Variants in MTMR2 observed in about 807,000 individuals in gnomAD.
MTMR2 encodes phosphatidylinositol-3,5-bisphosphate 3-phosphatase MTMR2.
Under a neutral mutation model 86.9 loss-of-function variants are expected in MTMR2, and 55 were observed. The ratio of observed to expected loss-of-function variants is 0.63; its 90% CI spans 0.51 to 0.79. MTMR2 has a LOEUF of 0.79. Among genes scored for constraint, MTMR2 ranks in the 30% least tolerant of loss-of-function variants. MTMR2 has a pLI of 0.00. For missense variants in MTMR2, 659 were observed against 772.3 expected (o/e 0.85, Z 1.74); for synonymous variants, 241 against 266.8 (o/e 0.90, Z 0.94).
At chr11:95,907,258 A>T (rs1013216181) in intron 1 of MTMR2, among the ~76,000 whole-genome samples, 1 of 152,182 alleles carries the variant, frequency 6.6e-6, no homozygotes, top group Non-Finnish European at 1.5e-5. Flanking sequence ...CAAACTAGAA[A>T]ACCTACAAGA....
At chr11:95,893,544 C>T (rs747546116) in intron 1 of MTMR2, among the ~76,000 whole-genome samples, 5 of 152,262 alleles carry the variant, frequency 3.3e-5, no homozygotes, top group African/African-American at 4.8e-5. Context: ...TTAGCCACGA[C>T]TGTCCTGCTA....
At chr11:95,896,475 C>T (rs1591033196) in intron 1 of MTMR2, among the ~76,000 whole-genome samples, 1 of 151,858 alleles carries the variant, frequency 6.6e-6, no homozygotes, top group East Asian at 1.9e-4. Context: ...GACACCATGC[C>T]TGTCTTGATT....
intron 2 of MTMR2, among the ~76,000 whole-genome samples, chr11:95,882,972 T>A (rs1223517335): frequency 1.4e-5 from 2 of 144,530 alleles, no homozygotes; most frequent in Non-Finnish European, 1.5e-5. Flanking sequence ...GGTCTCGATC[T>A]CCTGACCTCG....
intron 1 of MTMR2, among the ~76,000 whole-genome samples, chr11:95,899,267 C>G (rs1000126044): frequency 2.6e-5 from 4 of 152,026 alleles, no homozygotes; most frequent in African/African-American, 7.2e-5. Flanking sequence ...GACCTGAAAA[C>G]AAGGGAGAAG....
rs986329341 is a variant in MTMR2, at chr11:95,865,682, G to A, written c.187-6C>T. 1.3e-6 allele frequency: 2 copies of A among 1,591,356 alleles called. No homozygotes were observed. The highest frequency in any genetic ancestry group is 1.7e-6 in the Non-Finnish European group (2 of 1,161,998). ...TTGTTAGACTCCCTCAGGACCTGGGGTGGGAAAGACAAAAAAAGAAACATT... is the reference window on the plus strand; with the variant it reads ...TTGTTAGACTCCCTCAGGACCTGGGATGGGAAAGACAAAAAAAGAAACATT... On this transcript the variant is annotated splice_polypyrimidine_tract_variant and splice_region_variant and intron_variant, in intron 2 of 14. Transcript: ENST00000346299.
chr11:95,883,179 A>C (rs1429880499), intron 2 of MTMR2, among the ~76,000 whole-genome samples: 5 of 152,168 alleles, frequency 3.3e-5, no homozygotes, highest in African/African-American at 7.2e-5. Flanking sequence ...TTTGAGGCAC[A>C]TACTTTAATT....
chr11:95,841,744 G>A, intron 11 of MTMR2, 35 bp from the exon 12 acceptor site: 3 of 1,453,056 alleles, frequency 2.1e-6, no homozygotes, highest in Non-Finnish European at 2.9e-6. Context: ...TGAACTTAGG[G>A]GGATTTTTCA....
In MTMR2 at chr11:95,835,206, T is replaced by C. The variant is rs1234187020; in HGVS notation, c.*84A>G. 2.2e-5 allele frequency: 31 copies of C among 1,399,622 alleles called. No homozygotes were observed. In the South Asian group the frequency reaches 3.1e-4, roughly 14 times the overall value. 86.7% of individuals were successfully genotyped at this position (1,399,622 alleles called of 1,614,324 possible). A position where few individuals can be genotyped will look rare whatever the true frequency, so the allele number is the denominator to read the frequency against. ...ACTGAACTTTCTCTCATAGATGGGTTCTAAATTCCGAAGACTTTCTACTCA... is the reference window on the plus strand; with the variant it reads ...ACTGAACTTTCTCTCATAGATGGGTCCTAAATTCCGAAGACTTTCTACTCA... On this transcript the variant is annotated 3_prime_UTR_variant, in exon 15 of 15. Transcript: ENST00000346299.
chr11:95,872,542 AAT>A (rs1864931389), intron 2 of MTMR2, among the ~76,000 whole-genome samples: 1 of 152,198 alleles, frequency 6.6e-6, no homozygotes, highest in Admixed American at 6.5e-5. Context: ...CTAGATATAC[AAT>A]CATGTCATCT....
chr11:95,922,262 T>C (rs1237026213), intron 1 of MTMR2, among the ~76,000 whole-genome samples: 3 of 152,170 alleles, frequency 2.0e-5, no homozygotes, highest in Admixed American at 1.3e-4. Context: ...AGTACTTCCT[T>C]CTTTCTAACA....
At chr11:95,908,182 T>C (rs1327065648) in intron 1 of MTMR2, among the ~76,000 whole-genome samples, 1 of 151,684 alleles carries the variant, frequency 6.6e-6, no homozygotes, top group Non-Finnish European at 1.5e-5. Context: ...AAGTCAGTAG[T>C]ATTTCTATAC....
chr11:95,847,617 A>C, intron 10 of MTMR2, 97 bp downstream of exon 10: 2 of 1,078,094 alleles, frequency 1.9e-6, no homozygotes, highest in Non-Finnish European at 2.9e-6. Flanking sequence ...ATTGTTTAGA[A>C]AGGTACCTTC....
rs1590984978 is a variant in MTMR2 at position 95,850,613 on chromosome 11, C to T, written c.791G>A (p.Arg264Lys). The T allele has an allele frequency of 1.9e-6, 3 of 1,613,962 alleles. No individual in the cohort carries two copies. The highest frequency in any genetic ancestry group is 2.5e-6 in the Non-Finnish European group (3 of 1,179,992). ...CTTCCTACTTACTGGGATACGGCCTCTTGATCTGAAGGATGCCACTCTCTT... is the reference window on the plus strand; with the variant it reads ...CTTCCTACTTACTGGGATACGGCCTTTTGATCTGAAGGATGCCACTCTCTT... ...ELKRVASFRSRGRIPVLSWIH... is the reference protein window; with the variant it reads ...ELKRVASFRSKGRIPVLSWIH... The change falls in exon 8 of 15, where the codon AGA becomes AAA. Residue 264 changes from arginine (R) to lysine (K), a missense_variant. Coordinates refer to ENST00000346299, the MANE Select transcript of MTMR2 (RefSeq NM_016156.6).
At chr11:95,878,792 T>A (rs1299198311) in intron 2 of MTMR2, among the ~76,000 whole-genome samples, 1 of 152,124 alleles carries the variant, frequency 6.6e-6, no homozygotes, top group Non-Finnish European at 1.5e-5. Flanking sequence ...AAATGATGGT[T>A]CATAATAGAT....
At chr11:95,883,201 C>G (rs1865398163) in intron 2 of MTMR2, among the ~76,000 whole-genome samples, 1 of 152,010 alleles carries the variant, frequency 6.6e-6, no homozygotes, top group Non-Finnish European at 1.5e-5. Context: ...AAACCCAGTG[C>G]TATACAAATT....
intron 10 of MTMR2, 67 bp downstream of exon 10, chr11:95,847,647 G>T: frequency 7.1e-7 from 1 of 1,417,234 alleles, no homozygotes; most frequent in Non-Finnish European, 1.0e-6. Flanking sequence ...GCAATTATAA[G>T]TAAAAAGCTA....
chr11:95,893,381 A>C (rs1377997066), intron 1 of MTMR2, among the ~76,000 whole-genome samples: 1 of 152,024 alleles, frequency 6.6e-6, no homozygotes, highest in Non-Finnish European at 1.5e-5. Flanking sequence ...TAAATATTTA[A>C]CTTTCTTAAC....
intron 1 of MTMR2, among the ~76,000 whole-genome samples, chr11:95,890,327 G>C (rs1020780138): frequency 6.6e-6 from 1 of 152,076 alleles, no homozygotes; most frequent in Non-Finnish European, 1.5e-5. Context: ...CAAATTTTAA[G>C]CACAGTACTT....
At chr11:95,918,981 G>T (rs1004431015) in intron 1 of MTMR2, among the ~76,000 whole-genome samples, 3 of 152,146 alleles carry the variant, frequency 2.0e-5, no homozygotes, top group Non-Finnish European at 4.4e-5. Context: ...GGGACTACAG[G>T]CATGCACTAC....
Sources: gnomAD v4.1 joint callset for allele counts (sites outside exome capture counted in the v4.1 genomes callset) on GRCh38, gnomAD v4.1.1 for gene constraint, MANE v1.5 for transcripts, NCBI Gene and HGNC (gene_info 2026-07-23, HGNC 2026-07-21) for gene names.